The following NEK5 variants were observed in gnomAD, a reference collection of about 807,000 sequenced individuals.
The protein encoded by NEK5 is NIMA related kinase 5.
Under a neutral mutation model 109.2 loss-of-function variants are expected in NEK5, and 88 were observed. That is an observed-to-expected ratio of 0.81 (90% CI 0.68 to 0.96). NEK5 has a LOEUF of 0.96. Ranked by LOEUF, NEK5 falls within the 40% of genes least tolerant of loss-of-function variation. NEK5 has a pLI of 0.00. For synonymous variants in NEK5, 283 were observed against 299.9 expected (o/e 0.94, Z 0.58); for missense variants, 834 against 920.7 (o/e 0.91, Z 1.22).
intron 23 of NEK5, among the ~76,000 whole-genome samples, chr13:52,037,790 C>G (rs920283492): frequency 3.3e-5 from 5 of 152,110 alleles, no homozygotes; most frequent in Non-Finnish European, 5.9e-5. Flanking sequence ...GGGCGTGGTA[C>G]CGGGCGCCTG....
intron 9 of NEK5, among the ~76,000 whole-genome samples, chr13:52,103,150 C>T (rs1232054665): frequency 6.6e-6 from 1 of 152,072 alleles, no homozygotes; most frequent in African/African-American, 2.4e-5. Context: ...ACACATTGGC[C>T]GGGCATGGTG....
At chr13:52,070,434 G>A (rs1954765094) in intron 20 of NEK5, among the ~76,000 whole-genome samples, 1 of 152,194 alleles carries the variant, frequency 6.6e-6, no homozygotes, top group Non-Finnish European at 1.5e-5. Context: ...GTGTGTTGTG[G>A]GGTGACCCAG....
intron 17 of NEK5, among the ~76,000 whole-genome samples, chr13:52,081,362 C>T (rs950228405): frequency 6.6e-6 from 1 of 151,942 alleles, no homozygotes; most frequent in Non-Finnish European, 1.5e-5. Flanking sequence ...TATCAGATGC[C>T]TTTTCTTTTT....
chr13:52,083,758 G>A (rs892335851), intron 16 of NEK5, among the ~76,000 whole-genome samples: 4 of 152,072 alleles, frequency 2.6e-5, no homozygotes, highest in Non-Finnish European at 4.4e-5. Context: ...GGATGATCTC[G>A]ATCTCCCGAC....
intron 17 of NEK5, among the ~76,000 whole-genome samples, chr13:52,080,754 C>T (rs1486275175): frequency 6.6e-5 from 10 of 151,910 alleles, no homozygotes; most frequent in Non-Finnish European, 1.3e-4. Flanking sequence ...ACAAACACTG[C>T]GGAAGGCCGC....
At chr13:52,065,419 G>T in intron 21 of NEK5, 65 bp downstream of exon 21, 1 of 1,609,366 alleles carries the variant, frequency 6.2e-7, no homozygotes. Flanking sequence ...ACATCAGGAT[G>T]AGCACTGGGC....
In NEK5 at chr13:52,036,817, T is replaced by C. The variant is rs1354412593; in HGVS notation, c.*131A>G. On this transcript the variant is annotated 3_prime_UTR_variant, in exon 24 of 24. Transcript: ENST00000684899. ...ATATTCAAAAGTTCTACTTCCTAAATTGAAAGAAAAATTAATAAATCCTTG... is the reference window on the plus strand; with the variant it reads ...ATATTCAAAAGTTCTACTTCCTAAACTGAAAGAAAAATTAATAAATCCTTG... 13 of 315,588 alleles carry C rather than the reference T, an allele frequency of 4.1e-5. No homozygotes were observed. Among genetic ancestry groups the C allele is most frequent in the Admixed American group, 6.5e-5 (1 of 15,452 alleles). 19.5% of individuals were successfully genotyped at this position (315,588 alleles called of 1,614,324 possible). A position where few individuals can be genotyped will look rare whatever the true frequency, so the allele number is the denominator to read the frequency against.
intron 22 of NEK5, among the ~76,000 whole-genome samples, chr13:52,055,143 G>C (rs1156713881): frequency 6.6e-6 from 1 of 152,150 alleles, no homozygotes; most frequent in Non-Finnish European, 1.5e-5. Flanking sequence ...CGAGAACTAC[G>C]TGAAGAATGC....
At position 52,072,067 on chromosome 13, in the gene NEK5, T is replaced by C. The variant is rs149641412; in HGVS notation, c.1726A>G (p.Met576Val). The change falls in exon 20 of 24, where the codon ATG becomes GTG. Residue 576 changes from methionine to valine, a missense_variant. Around this residue, in one of 2 missense-constraint regions of NEK5, gnomAD observed 777 missense variants for 824.7 expected, o/e 0.94. Coordinates refer to ENST00000684899, the MANE Select transcript of NEK5 (RefSeq NM_001365552.1). ...DENILQEEEA[M>V]DIPNETLTFE... is the part of the protein sequence containing the mutation. ...GTCAAAGTTTCATTTGGTATATCCATTGCCTAAATCAATTCCACAGTGTTT... is the reference window on the plus strand; with the variant it reads ...GTCAAAGTTTCATTTGGTATATCCACTGCCTAAATCAATTCCACAGTGTTT... 3.5e-3 allele frequency: 5,639 copies of C among 1,610,050 alleles called. 12 individuals carry two copies. Among genetic ancestry groups the C allele is most frequent in the Non-Finnish European group, 4.3e-3 (5,093 of 1,177,344 alleles).
intron 4 of NEK5, among the ~76,000 whole-genome samples, chr13:52,113,965 C>T (rs1210249696): frequency 1.3e-5 from 2 of 152,208 alleles, no homozygotes; most frequent in Non-Finnish European, 2.9e-5. Flanking sequence ...TTGCACTTCC[C>T]AGCCTCCAGA....
intron 23 of NEK5, among the ~76,000 whole-genome samples, chr13:52,042,311 C>G (rs1214777649): frequency 6.6e-6 from 1 of 151,094 alleles, no homozygotes; most frequent in African/African-American, 2.4e-5. Flanking sequence ...AAAAAAATGG[C>G]AAGTTCAGAA....
Position 52,060,449 on chromosome 13 carries a change from G to A in NEK5, c.2110+1370C>T, listed in dbSNP as rs759549325. Among the ~76,000 whole-genome samples, 139 of 152,000 alleles carry A rather than the reference G, an allele frequency of 9.1e-4. 1 individual carries two copies. The highest frequency in any genetic ancestry group is 1.3e-3 in the Non-Finnish European group (89 of 67,992). ...GGCTCACTGCAACCTCCGCCACCCG[G>A]GTTCAAGCGTTCCTCCTGCCTCAAC... is the stretch of plus-strand genomic sequence containing the variant. On this transcript the variant is annotated intron_variant, in intron 22 of 23. Coordinates refer to ENST00000684899, the MANE Select transcript of NEK5 (RefSeq NM_001365552.1).
chr13:52,087,522 G>T, intron 14 of NEK5, 68 bp from the exon 15 acceptor site: 4 of 795,844 alleles, frequency 5.0e-6, no homozygotes, highest in Non-Finnish European at 4.2e-6. Flanking sequence ...ATTTGACATT[G>T]ACTTTTTCCT....
chr13:52,039,151 A>C (rs1954393079), intron 23 of NEK5, among the ~76,000 whole-genome samples: 1 of 152,068 alleles, frequency 6.6e-6, no homozygotes, highest in Non-Finnish European at 1.5e-5. Flanking sequence ...GGAGAGAAGG[A>C]CTCATGGATA....
rs967443169 is a variant in NEK5 at position 52,101,810 on chromosome 13, T to C, written c.892+123A>G. 3 of 806,238 alleles carry C rather than the reference T, an allele frequency of 3.7e-6. No individual in the cohort carries two copies. In the African/African-American group the frequency reaches 5.1e-5, roughly 14 times the overall value. 49.9% of individuals were successfully genotyped at this position (806,238 alleles called of 1,614,324 possible). Reference sequence around the variant, plus strand: ...TTTGACAAGATGATTTTTCTCCTGCTTATACTGCTTGTATTTTTTAAAATG... The same window carrying C: ...TTTGACAAGATGATTTTTCTCCTGCCTATACTGCTTGTATTTTTTAAAATG... On this transcript the variant is annotated intron_variant, in intron 11 of 23. Transcript: ENST00000684899.
chr13:52,070,821 A>T (rs1184503173), intron 20 of NEK5, among the ~76,000 whole-genome samples: 2 of 152,234 alleles, frequency 1.3e-5, no homozygotes, highest in Non-Finnish European at 2.9e-5. Context: ...GGAAAAGGGA[A>T]AATGAAAAGA....
At chr13:52,043,548 AAAAG>A (rs1306621475) in intron 23 of NEK5, among the ~76,000 whole-genome samples, 38 of 146,902 alleles carry the variant, frequency 2.6e-4, no homozygotes, top group African/African-American at 6.6e-4. Context: ...AAAAAAAAAA[AAAAG>A]AAAGAAAAAG....
intron 7 of NEK5, among the ~76,000 whole-genome samples, chr13:52,109,799 G>A (rs906358514): frequency 6.6e-6 from 1 of 152,084 alleles, no homozygotes; most frequent in African/African-American, 2.4e-5. Flanking sequence ...CCTATGACCT[G>A]GAAGCTCCCT....
rs80304205 is a variant in NEK5 at position 52,083,171 on chromosome 13, G to A, written c.1572+89C>T. 4.6e-3 allele frequency: 3,927 copies of A among 846,484 alleles called. 90 individuals carry two copies. In the African/African-American group the frequency reaches 0.058, roughly 12 times the overall value. 52.4% of individuals were successfully genotyped at this position (846,484 alleles called of 1,614,324 possible). The stretch of plus-strand genomic sequence containing the variant: ...TAGAAAAAAAAAAAAAGTTCCCTAC[G>A]TGGTTCTGCTGCACAGAGAAGGGTA... On this transcript the variant is annotated intron_variant, in intron 17 of 23. Transcript: ENST00000684899.
Sources: allele counts gnomAD v4.1 joint callset (sites outside exome capture counted in the v4.1 genomes callset), GRCh38; gene constraint gnomAD v4.1.1; regional missense constraint gnomAD v4.1.1; transcripts MANE v1.5; gene names NCBI Gene and HGNC (gene_info 2026-07-23, HGNC 2026-07-21).